The following TTC17 variants were observed in gnomAD, a reference collection of about 807,000 sequenced individuals.
The protein encoded by TTC17 is tetratricopeptide repeat domain 17, also known as tetratricopeptide repeat protein 17.
Under a neutral mutation model 143.8 loss-of-function variants are expected in TTC17, and 58 were observed. The ratio of observed to expected loss-of-function variants is 0.40; its 90% CI spans 0.33 to 0.50. The LOEUF is 0.50. Among genes scored for constraint, TTC17 ranks in the 20% least tolerant of loss-of-function variants. TTC17 has a pLI of 0.49. For synonymous variants in TTC17, 501 were observed against 497.8 expected (o/e 1.01, Z -0.09); for missense variants, 1,273 against 1,392.5 (o/e 0.91, Z 1.37).
intron 21 of TTC17, among the ~76,000 whole-genome samples, chr11:43,467,409 G>A (rs1369086174): frequency 6.6e-6 from 1 of 152,210 alleles, no homozygotes; most frequent in Non-Finnish European, 1.5e-5. Context: ...AGTGAAATAA[G>A]CCAGTCACAA....
chr11:43,414,283 A>G (rs993309112), intron 15 of TTC17, among the ~76,000 whole-genome samples: 3 of 152,188 alleles, frequency 2.0e-5, no homozygotes, highest in South Asian at 2.1e-4. Context: ...CTGGGGTTGG[A>G]TTGCCCAAGG....
intron 2 of TTC17, among the ~76,000 whole-genome samples, chr11:43,387,535 C>T (rs1353876931): frequency 6.6e-6 from 1 of 152,108 alleles, no homozygotes; most frequent in Non-Finnish European, 1.5e-5. Context: ...ATCTTAATGG[C>T]ATAAACAATA....
intron 1 of TTC17, chr11:43,378,794 T>A (rs1856856363): frequency 6.3e-6 from 1 of 159,964 alleles, no homozygotes. Context: ...CTTTGATTTA[T>A]GACTTCTACA....
chr11:43,418,703 TGGAACA>T (rs1565156070), intron 16 of TTC17, among the ~76,000 whole-genome samples: 2 of 152,148 alleles, frequency 1.3e-5, no homozygotes, highest in African/African-American at 4.8e-5. Context: ...TGAAACTTTA[TGGAACA>T]GTAAAGGTTA....
At chr11:43,420,913 G>A (rs188705394) in intron 16 of TTC17, among the ~76,000 whole-genome samples, 1 of 152,116 alleles carries the variant, frequency 6.6e-6, no homozygotes, top group Non-Finnish European at 1.5e-5. Flanking sequence ...TTTGATAGAG[G>A]ATATAATCTT....
intron 21 of TTC17, among the ~76,000 whole-genome samples, chr11:43,453,219 C>T (rs1564969495): frequency 6.6e-6 from 1 of 151,958 alleles, no homozygotes; most frequent in East Asian, 1.9e-4. Flanking sequence ...ATGTTAGAAA[C>T]ATATTTTAAG....
At chr11:43,373,369 G>A (rs1166580079) in intron 1 of TTC17, among the ~76,000 whole-genome samples, 3 of 150,422 alleles carry the variant, frequency 2.0e-5, no homozygotes, top group South Asian at 2.1e-4. Context: ...TGTCACCCAG[G>A]CTGGAGTGCA....
At chr11:43,368,894 C>CCTGA (rs1856454723) in intron 1 of TTC17, among the ~76,000 whole-genome samples, 1 of 152,216 alleles carries the variant, frequency 6.6e-6, no homozygotes, top group Non-Finnish European at 1.5e-5. Context: ...TGTGCTCTGC[C>CCTGA]TCAGCCATAC....
At chr11:43,371,090 GGT>G (rs1856553283) in intron 1 of TTC17, among the ~76,000 whole-genome samples, 1 of 152,016 alleles carries the variant, frequency 6.6e-6, no homozygotes, top group South Asian at 2.1e-4. Flanking sequence ...TAAGATTACA[GGT>G]GTGAACCATC....
At chr11:43,379,442 G>T in intron 2 of TTC17, 120 bp downstream of exon 2, 5 of 775,152 alleles carry the variant, frequency 6.5e-6, no homozygotes, top group Non-Finnish European at 1.0e-5. Flanking sequence ...ACTTTTGCGG[G>T]AATATACTAC....
chr11:43,417,030 T>C (rs1946793710), intron 16 of TTC17, among the ~76,000 whole-genome samples: 1 of 152,228 alleles, frequency 6.6e-6, no homozygotes, highest in Non-Finnish European at 1.5e-5. Flanking sequence ...ATATGTATGC[T>C]ATAGCATTTT....
At position 43,379,266 on chromosome 11, in the gene TTC17, G is replaced by T; in HGVS notation, c.193G>T (p.Asp65Tyr). 6.2e-7 allele frequency: 1 copy of T among 1,612,584 alleles called. No individual in the cohort carries two copies. The highest frequency in any genetic ancestry group is 1.1e-5 in the South Asian group (1 of 90,732). ...DSPMNLKHPH[D>Y]LVILMRQEAT... ...ACCAATGAACTTGAAGCATCCTCAT[G>T]ACCTAGTCATATTAATGAGACAAGA... The change falls in exon 2 of 24, where the codon GAC becomes TAC. Residue 65 changes from aspartate to tyrosine, a missense_variant. This residue lies in a region of TTC17 where 325 missense variants were observed against 444.2 expected (regional missense o/e 0.73). Transcript: ENST00000039989.
At chr11:43,366,773 C>T (rs907700122) in intron 1 of TTC17, among the ~76,000 whole-genome samples, 19 of 152,192 alleles carry the variant, frequency 1.2e-4, no homozygotes, top group African/African-American at 3.9e-4. Context: ...AGCCTTATCT[C>T]GGGTCATCCT....
chr11:43,403,014 G>A lies in TTC17; in HGVS notation c.1333-984G>A, dbSNP rs116997201. ...GGGGAAATAGTGATAGGGACCAAAA[G>A]CTTCCTATGAGTATTGTAAACCAGC... On this transcript the variant is annotated intron_variant, in intron 10 of 23. Coordinates refer to ENST00000039989, the MANE Select transcript of TTC17 (RefSeq NM_018259.6). Among the ~76,000 whole-genome samples the A allele has an allele frequency of 2.0e-3, 302 of 152,206 alleles. 7 individuals carry two copies. In the East Asian group the frequency reaches 0.051, roughly 26 times the overall value.
intron 2 of TTC17, among the ~76,000 whole-genome samples, chr11:43,384,416 G>T (rs572377636): frequency 4.6e-4 from 70 of 152,356 alleles, no homozygotes; most frequent in Non-Finnish European, 7.3e-4. Flanking sequence ...AGCACTCTGG[G>T]GGGTCGAGGC....
At chr11:43,420,386 A>G (rs1288699510) in intron 16 of TTC17, among the ~76,000 whole-genome samples, 1 of 152,194 alleles carries the variant, frequency 6.6e-6, no homozygotes, top group Admixed American at 6.5e-5. Context: ...TCATCCCTCA[A>G]AAGAGATGCA....
At chr11:43,482,048 G>A (rs529379638) in intron 21 of TTC17, among the ~76,000 whole-genome samples, 1 of 152,086 alleles carries the variant, frequency 6.6e-6, no homozygotes, top group African/African-American at 2.4e-5. Flanking sequence ...GAGCTCCAGT[G>A]ATCCACCCAC....
rs374313736 is a variant in TTC17 at position 43,474,802 on chromosome 11, A to G, written c.3031-15437A>G. 9.8e-5 allele frequency among the ~76,000 whole-genome samples: 15 copies of G among 152,342 alleles called. No individual in the cohort carries two copies. The South Asian group carries it at 1.9e-3, about 19-fold the overall frequency. On this transcript the variant is annotated intron_variant, in intron 21 of 23. Transcript: ENST00000039989. ...AACAGTTGGTTAATACATATTTTAT[A>G]TATGTATTTTATATTGTATTCTTAT... is the stretch of plus-strand genomic sequence containing the variant.
chr11:43,376,214 T>C (rs1360594711), intron 1 of TTC17, among the ~76,000 whole-genome samples: 1 of 152,230 alleles, frequency 6.6e-6, no homozygotes, highest in Non-Finnish European at 1.5e-5. Flanking sequence ...AATTGCCTTA[T>C]ATGGCTTGTC....
Sources: gnomAD v4.1 joint callset for allele counts (sites outside exome capture counted in the v4.1 genomes callset) on GRCh38, gnomAD v4.1.1 for gene constraint, gnomAD v4.1.1 regional missense constraint, MANE v1.5 for transcripts, NCBI Gene and HGNC (gene_info 2026-07-23, HGNC 2026-07-21) for gene names.